CDKL5: variants seen among roughly 807,000 people sequenced by gnomAD.
CDKL5 encodes the protein cyclin dependent kinase like 5, also known as cyclin-dependent kinase-like 5.
A neutral mutation model predicts 61.7 loss-of-function variants in CDKL5; 8 were observed. The ratio of observed to expected loss-of-function variants is 0.13; its 90% CI spans 0.08 to 0.23. The LOEUF (loss-of-function observed/expected upper bound fraction) is 0.23, where lower values mean the gene tolerates loss of function less well. Among genes scored for constraint, CDKL5 ranks in the 10% least tolerant of loss-of-function variants. The pLI, the probability that CDKL5 is intolerant of heterozygous loss-of-function variation, is 1.00. For synonymous variants in CDKL5, 275 were observed against 272.3 expected (o/e 1.01, Z -0.10); for missense variants, 440 against 734.5 (o/e 0.60, Z 4.63).
chrX:18,636,622 C>T lies in CDKL5; in HGVS notation c.*7865C>T, dbSNP rs1223709419. The T allele has an allele frequency of 9.0e-6, 1 of 110,598 alleles. No homozygotes were observed. Among genetic ancestry groups the T allele is most frequent in the Non-Finnish European group, 1.9e-5 (1 of 53,000 alleles). The allele number at this position is 110,598 out of a possible 1,213,427, so 9.1% of individuals were successfully genotyped here. Reference sequence around the variant, plus strand: ...TTCTCTTTAGTAATTCAGATTTATTCAAGTAACTCCAAGGTTCAAATTTTC... The same window carrying T: ...TTCTCTTTAGTAATTCAGATTTATTTAAGTAACTCCAAGGTTCAAATTTTC... On this transcript the variant is annotated 3_prime_UTR_variant, in exon 18 of 18. Coordinates refer to ENST00000623535, the MANE Select transcript of CDKL5 (RefSeq NM_001323289.2).
Position 18,630,259 on chromosome X carries a change from C to T in CDKL5, c.*1502C>T, listed in dbSNP as rs1927197047. 1 of 753,745 alleles carries T rather than the reference C, an allele frequency of 1.3e-6. No individual in the cohort carries two copies. Among genetic ancestry groups the T allele is most frequent in the Non-Finnish European group, 1.6e-6 (1 of 639,098 alleles). The allele number at this position is 753,745 out of a possible 1,213,427, so 62.1% of individuals were successfully genotyped here. On this transcript the variant is annotated 3_prime_UTR_variant, in exon 18 of 18. Transcript: ENST00000623535. ...GATCTCTTTCAGCTCCCAAGTTACT[C>T]CCAAGTATCATCAAACCCTTTGGCC...
chrX:18,595,172 ACT>A, intron 9 of CDKL5, among the ~76,000 whole-genome samples, 174 bp from the exon 10 acceptor site: 1 of 111,504 alleles, frequency 9.0e-6, no homozygotes, highest in East Asian at 2.8e-4. Flanking sequence ...ACAGCATGAA[ACT>A]CTGTCTCAAA....
chrX:18,513,968 G>A (rs1296282891), intron 3 of CDKL5, among the ~76,000 whole-genome samples: 7 of 111,927 alleles, frequency 6.3e-5, no homozygotes, highest in Non-Finnish European at 1.1e-4. Context: ...TTATAAAAAT[G>A]TATAAGTCAG....
At chrX:18,618,447 C>A (rs1038077996) in intron 15 of CDKL5, among the ~76,000 whole-genome samples, 4 of 111,443 alleles carry the variant, frequency 3.6e-5, no homozygotes, top group Non-Finnish European at 7.5e-5. Context: ...TTTTGTGATT[C>A]CAGAAAACCC....
chrX:18,570,542 G>T (rs1925104232), intron 4 of CDKL5, among the ~76,000 whole-genome samples: 1 of 111,058 alleles, frequency 9.0e-6, no homozygotes, highest in Non-Finnish European at 1.9e-5. Context: ...TACCCCCGTG[G>T]TTTTGATCAA....
At chrX:18,584,717 TC>T (rs1165238192) in intron 8 of CDKL5, among the ~76,000 whole-genome samples, 1 of 111,590 alleles carries the variant, frequency 9.0e-6, no homozygotes, top group Non-Finnish European at 1.9e-5. Context: ...AGTAAGCTAT[TC>T]CAAGTTTCTA....
intron 1 of CDKL5, among the ~76,000 whole-genome samples, chrX:18,499,328 G>A (rs1454410411): frequency 9.5e-6 from 1 of 105,003 alleles, no homozygotes; most frequent in Non-Finnish European, 1.9e-5. Flanking sequence ...TCACCTTTTG[G>A]ACCTTTTAGT....
At chrX:18,537,625 C>T (rs1349213461) in intron 3 of CDKL5, among the ~76,000 whole-genome samples, 5 of 111,989 alleles carry the variant, frequency 4.5e-5, no homozygotes, top group African/African-American at 1.6e-4. Context: ...ACAGGGATCC[C>T]TTGTGCTGCC....
At chrX:18,644,398 G>T, downstream of CDKL5, 2 of 1,193,594 alleles carry the variant, frequency 1.7e-6, no homozygotes, top group South Asian at 3.5e-5. Context: ...GAGGGTGCGA[G>T]CTGAAGTTGG....
intron 1 of CDKL5, among the ~76,000 whole-genome samples, chrX:18,430,913 G>A (rs1258538613): frequency 9.2e-6 from 1 of 108,480 alleles, no homozygotes; most frequent in South Asian, 4.1e-4. Flanking sequence ...CCAGGCTGGA[G>A]TGCAGTGATG....
intron 1 of CDKL5, among the ~76,000 whole-genome samples, chrX:18,432,324 C>T (rs990483496): frequency 9.1e-6 from 1 of 109,594 alleles, no homozygotes; most frequent in Non-Finnish European, 1.9e-5. Flanking sequence ...TCTTGAACCC[C>T]TGACATCAGG....
Position 18,480,119 on chromosome X carries a change from C to CT in CDKL5, c.-162-26807dup, listed in dbSNP as rs1314598438. ...CAAATTTCCTGTTTTAATCTAATGT[C>CT]TTTTTTTTTCTGCTCTAGGATCTCA... On this transcript the variant is annotated intron_variant, in intron 1 of 17. Coordinates refer to ENST00000623535, the MANE Select transcript of CDKL5 (RefSeq NM_001323289.2). 8.2e-5 allele frequency among the ~76,000 whole-genome samples: 9 copies of CT among 110,381 alleles called. No individual in the cohort carries two copies. The South Asian group carries it at 2.3e-3, about 28-fold the overall frequency.
At chrX:18,494,518 C>G (rs949875192) in intron 1 of CDKL5, among the ~76,000 whole-genome samples, 3 of 112,449 alleles carry the variant, frequency 2.7e-5, no homozygotes, top group African/African-American at 9.7e-5. Flanking sequence ...CTTGGCCTCC[C>G]ATAGTGCTGG....
At chrX:18,477,180 T>C (rs1053840419) in intron 1 of CDKL5, among the ~76,000 whole-genome samples, 7 of 110,463 alleles carry the variant, frequency 6.3e-5, no homozygotes, top group African/African-American at 2.0e-4. Flanking sequence ...GATTCTCCTG[T>C]GTCAGCCTCC....
At chrX:18,555,850 C>T (rs1465036592) in intron 3 of CDKL5, among the ~76,000 whole-genome samples, 4 of 112,116 alleles carry the variant, frequency 3.6e-5, no homozygotes, top group Non-Finnish European at 5.6e-5. Flanking sequence ...CTGATTGAAA[C>T]GCTCTTTTTC....
At chrX:18,620,960 G>A (rs942610911) in intron 16 of CDKL5, among the ~76,000 whole-genome samples, 4 of 111,584 alleles carry the variant, frequency 3.6e-5, no homozygotes, top group African/African-American at 1.3e-4. Flanking sequence ...GGCTGGTCTC[G>A]AACTCCTGAG....
intron 15 of CDKL5, 88 bp from the exon 16 acceptor site, chrX:18,619,779 C>T: frequency 1.7e-6 from 1 of 604,543 alleles, no homozygotes. Flanking sequence ...AACCTAGTGT[C>T]ATGCATTTTC....
At chrX:18,547,504 C>T (rs758497003) in intron 3 of CDKL5, among the ~76,000 whole-genome samples, 9 of 112,443 alleles carry the variant, frequency 8.0e-5, no homozygotes, top group Non-Finnish European at 1.3e-4. Context: ...ATGTTCTTGA[C>T]ATCAAGTAAC....
chrX:18,583,535 A>G (rs1465368464), intron 7 of CDKL5, among the ~76,000 whole-genome samples: 1 of 111,736 alleles, frequency 8.9e-6, no homozygotes, highest in Non-Finnish European at 1.9e-5. Flanking sequence ...GTACACCTTG[A>G]TTTTTACTCT....
Sources: allele counts gnomAD v4.1 joint callset (sites outside exome capture counted in the v4.1 genomes callset), GRCh38; gene constraint gnomAD v4.1.1; transcripts MANE v1.5; gene names NCBI Gene and HGNC (gene_info 2026-07-23, HGNC 2026-07-21).